TMEM230: variants seen among roughly 807,000 people sequenced by gnomAD.
TMEM230 encodes the protein transmembrane protein 230.
In TMEM230, 10 loss-of-function variants were observed where a neutral mutation model predicts 15.8. The ratio of observed to expected loss-of-function variants is 0.63; its 90% CI spans 0.39 to 1.07. The LOEUF is 1.07. Ranked by LOEUF, TMEM230 falls within the 50% of genes least tolerant of loss-of-function variation. The probability of loss-of-function intolerance (pLI) is 0.01; values close to 1 mark genes in which losing one functional copy is unlikely to be tolerated. For missense variants in TMEM230, 165 were observed against 193.3 expected, an observed-to-expected ratio of 0.85 and a Z score of 0.87; for synonymous variants, 67 against 76.9, an observed-to-expected ratio of 0.87 and a Z score of 0.68.
chr20:5,075,542 T>A (rs984081974), intron 3 of TMEM230, among the ~76,000 whole-genome samples: 1 of 151,096 alleles, frequency 6.6e-6, no homozygotes, highest in Non-Finnish European at 1.5e-5. Context: ...CTGGCCAACA[T>A]GGTTAAACCC....
intron 2 of TMEM230, 142 bp from the exon 2 acceptor site, chr20:5,109,587 C>T: frequency 1.5e-6 from 1 of 662,472 alleles, no homozygotes; most frequent in Non-Finnish European, 2.7e-6. Context: ...TTACACTTCA[C>T]TGCTAAATTT....
At chr20:5,077,497 C>T (rs6038059) in intron 3 of TMEM230, among the ~76,000 whole-genome samples, 2 of 133,272 alleles carry the variant, frequency 1.5e-5, no homozygotes. Flanking sequence ...TCAGGAGTTC[C>T]AGACCAGCCT....
downstream of TMEM230, among the ~76,000 whole-genome samples, chr20:5,065,568 G>A (rs575263465): frequency 8.3e-4 from 127 of 152,194 alleles, no homozygotes; most frequent in African/African-American, 2.9e-3. Context: ...TTCCTGGCTT[G>A]CAGGAAGCCA....
chr20:5,079,621 G>T (rs2089117667), intron 3 of TMEM230, among the ~76,000 whole-genome samples: 1 of 152,052 alleles, frequency 6.6e-6, no homozygotes, highest in Admixed American at 6.6e-5. Context: ...GACTACAGGT[G>T]CATGCCACTG....
chr20:5,074,914 TGGCCTCCCAAAGTGCTGGGATTATA>T (rs1439277048), intron 3 of TMEM230, among the ~76,000 whole-genome samples: 2 of 152,168 alleles, frequency 1.3e-5, no homozygotes, highest in South Asian at 2.1e-4. Flanking sequence ...TCTTCCGCCT[TGGCCTCCCAAAGTGCTGGGATTATA>T]GGCATAAACC....
chr20:5,068,880 G>A, exon 4 of TMEM230: 1 of 276,106 alleles, frequency 3.6e-6, no homozygotes, highest in Non-Finnish European at 6.9e-6. Context: ...ATCGCTCTCA[G>A]TACCAAGGAT....
At chr20:5,076,651 C>G (rs890478736) in intron 3 of TMEM230, among the ~76,000 whole-genome samples, 1 of 149,742 alleles carries the variant, frequency 6.7e-6, no homozygotes, top group Admixed American at 6.7e-5. Flanking sequence ...TATACTTTGC[C>G]TGTTTATATT....
In TMEM230 at chr20:5,102,890, A is replaced by G. The variant is rs2089927768; in HGVS notation, c.412-1959T>C. ...AATCCTCAATAAGGAGGATAATACT[A>G]GCAAACTGAATTCAACAATACATTA... On this transcript the variant is annotated intron_variant, in intron 4 of 4. Coordinates refer to ENST00000342308, the MANE Select transcript of TMEM230 (RefSeq NM_001009923.2). 2.0e-5 allele frequency among the ~76,000 whole-genome samples: 3 copies of G among 152,188 alleles called. No homozygotes were observed. The South Asian group carries it at 6.2e-4, about 32-fold the overall frequency.
chr20:5,078,528 T>C (rs971304657), intron 3 of TMEM230, among the ~76,000 whole-genome samples: 4 of 152,150 alleles, frequency 2.6e-5, no homozygotes, highest in Non-Finnish European at 4.4e-5. Flanking sequence ...CCAAATCTAG[T>C]GGCTTAACAC....
chr20:5,100,218 G>T lies in TMEM230; in HGVS notation c.*573C>A, dbSNP rs1252921813. The stretch of plus-strand genomic sequence containing the variant: ...GTCCAAGGACTGTTAAACAGAGGAA[G>T]TATTTACATTTTGAAAACTTGCTCT... On this transcript the variant is annotated 3_prime_UTR_variant, in exon 5 of 5. Transcript: ENST00000342308. 2 of 985,414 alleles carry T rather than the reference G, an allele frequency of 2.0e-6. No individual in the cohort carries two copies. Among genetic ancestry groups the T allele is most frequent in the African/African-American group, 1.7e-5 (1 of 57,236 alleles). 61.0% of individuals were successfully genotyped at this position (985,414 alleles called of 1,614,324 possible).
intron 3 of TMEM230, among the ~76,000 whole-genome samples, chr20:5,075,869 C>T (rs1163713756): frequency 2.6e-5 from 4 of 151,342 alleles, no homozygotes; most frequent in Non-Finnish European, 4.4e-5. Flanking sequence ...ACTTGGAGGC[C>T]GAGGCAGGCA....
intron 3 of TMEM230, chr20:5,069,463 T>G (rs2088755263): frequency 9.2e-7 from 1 of 1,082,272 alleles, no homozygotes; most frequent in Non-Finnish European, 1.3e-6. Flanking sequence ...CCACAACACT[T>G]CCTGAAGGCC....
rs1436679095 is a variant in TMEM230 at position 5,100,644 on chromosome 20, C to T, written c.*147G>A. On this transcript the variant is annotated 3_prime_UTR_variant, in exon 5 of 5. Transcript: ENST00000342308. ...AGCTAACTGTAGGTTCACTTAACAT[C>T]TTTGGGAAGGACCCAAAAAATCTGG... The T allele has an allele frequency of 7.6e-6, 11 of 1,450,142 alleles. No individual in the cohort carries two copies. In the African/African-American group the frequency reaches 1.4e-4, roughly 19 times the overall value. The allele number at this position is 1,450,142 out of a possible 1,614,324, so 89.8% of individuals were successfully genotyped here. A position where few individuals can be genotyped will look rare whatever the true frequency, so the allele number is the denominator to read the frequency against.
chr20:5,074,313 G>A (rs757581083), intron 3 of TMEM230, among the ~76,000 whole-genome samples: 5 of 151,920 alleles, frequency 3.3e-5, no homozygotes, highest in Non-Finnish European at 5.9e-5. Context: ...GTAGAATAAC[G>A]CTTAATCACC....
chr20:5,088,930 T>A (rs1028572787), intron 3 of TMEM230, among the ~76,000 whole-genome samples: 1 of 152,312 alleles, frequency 6.6e-6, no homozygotes. Flanking sequence ...GAACTTAGTA[T>A]AATAGATTTT....
intron 4 of TMEM230, among the ~76,000 whole-genome samples, chr20:5,103,687 G>C (rs1259274274): frequency 6.7e-6 from 1 of 150,282 alleles, no homozygotes; most frequent in Non-Finnish European, 1.5e-5. Context: ...ACTGGGGAAA[G>C]AACCAGTCTT....
At chr20:5,077,709 C>G (rs1367543355) in intron 3 of TMEM230, among the ~76,000 whole-genome samples, 2 of 152,006 alleles carry the variant, frequency 1.3e-5, no homozygotes, top group African/African-American at 4.8e-5. Context: ...TGGCAGGCGC[C>G]TGTAGTCCCA....
At chr20:5,103,554 T>C (rs557207783) in intron 4 of TMEM230, among the ~76,000 whole-genome samples, 2 of 151,344 alleles carry the variant, frequency 1.3e-5, no homozygotes, top group African/African-American at 4.8e-5. Flanking sequence ...TCCCAGTTAT[T>C]TGGGAGGCTG....
At chr20:5,066,779 A>G (rs1191160472), downstream of TMEM230, among the ~76,000 whole-genome samples, 1 of 151,936 alleles carries the variant, frequency 6.6e-6, no homozygotes, top group Non-Finnish European at 1.5e-5. Flanking sequence ...CTTGGGTCAG[A>G]CAGAACTTCG....
Sources: gnomAD v4.1 joint callset for allele counts (sites outside exome capture counted in the v4.1 genomes callset) on GRCh38, gnomAD v4.1.1 for gene constraint, MANE v1.5 for transcripts, NCBI Gene and HGNC (gene_info 2026-07-23, HGNC 2026-07-21) for gene names.